RAB33B: variants seen among roughly 807,000 people sequenced by gnomAD.
The protein encoded by RAB33B is RAB33B, member RAS oncogene family.
A neutral mutation model predicts 15.0 loss-of-function variants in RAB33B; 6 were observed. The observed-to-expected ratio is 0.40, with a 90% confidence interval of 0.22 to 0.79. RAB33B has a LOEUF of 0.79. Among genes scored for constraint, RAB33B ranks in the 30% least tolerant of loss-of-function variants. The probability of loss-of-function intolerance (pLI) is 0.37; values close to 1 mark genes in which losing one functional copy is unlikely to be tolerated. For synonymous variants in RAB33B, 117 were observed against 108.3 expected (o/e 1.08, Z -0.50); for missense variants, 257 against 296.4 (o/e 0.87, Z 0.98).
At chr4:139,467,308 C>CTTTTTTTTTTTTTT (rs70943422) in intron 1 of RAB33B, among the ~76,000 whole-genome samples, 1 of 17,606 alleles carries the variant, frequency 5.7e-5, no homozygotes, top group African/African-American at 1.1e-4. Context: ...CCCCCCGCCG[C>CTTTTTTTTTTTTTT]TTTTTTTTTT....
chr4:139,460,306 C>T (rs62323108), intron 1 of RAB33B, among the ~76,000 whole-genome samples: 1 of 152,136 alleles, frequency 6.6e-6, no homozygotes, highest in Non-Finnish European at 1.5e-5. Flanking sequence ...ACCGGATTGG[C>T]ACACAGGAGA....
intron 1 of RAB33B, among the ~76,000 whole-genome samples, chr4:139,463,364 G>C (rs1400949723): frequency 6.6e-6 from 1 of 152,090 alleles, no homozygotes; most frequent in Non-Finnish European, 1.5e-5. Flanking sequence ...TTGAACTCCT[G>C]ACCTCAAGTG....
At chr4:139,454,676 C>G (rs781018270) in intron 1 of RAB33B, among the ~76,000 whole-genome samples, 1 of 152,150 alleles carries the variant, frequency 6.6e-6, no homozygotes, top group African/African-American at 2.4e-5. Context: ...AAAATGCAGG[C>G]TATGATTTAA....
At position 139,472,997 on chromosome 4, in the gene RAB33B, T is replaced by A. The variant is rs769605100; in HGVS notation, c.561T>A (p.His187Gln). 3.1e-6 allele frequency: 5 copies of A among 1,614,024 alleles called. No individual in the cohort carries two copies. The highest frequency in any genetic ancestry group is 4.2e-6 in the Non-Finnish European group (5 of 1,180,032). The change falls in exon 2 of 2, where the codon CAT (histidine) becomes CAA (glutamine). Residue 187 changes from histidine to glutamine, a missense_variant. Physicochemically the swap from His to Gln is conservative, Grantham distance 24. Coordinates refer to ENST00000305626, the MANE Select transcript of RAB33B (RefSeq NM_031296.3). ...TSAKNPNDNDHVEAIFMTLAH... is the reference protein window; with the variant it reads ...TSAKNPNDNDQVEAIFMTLAH... ...CTAAAAACCCCAATGATAATGACCA[T>A]GTGGAAGCTATATTTATGACCTTGG...
chr4:139,443,880 C>T, the RAB33B span, among the ~76,000 whole-genome samples: 1 of 152,278 alleles, frequency 6.6e-6, no homozygotes, highest in South Asian at 2.1e-4. Context: ...GTGATGGCCT[C>T]CCCTGAGGCA....
At chr4:139,467,278 G>A (rs1379740261) in intron 1 of RAB33B, among the ~76,000 whole-genome samples, 1 of 123,680 alleles carries the variant, frequency 8.1e-6, no homozygotes, top group Non-Finnish European at 1.6e-5. Flanking sequence ...CTTCCGCCGC[G>A]CACCTCTTTC....
intron 1 of RAB33B, among the ~76,000 whole-genome samples, chr4:139,462,923 C>G (rs1014106852): frequency 6.6e-6 from 1 of 152,146 alleles, no homozygotes; most frequent in Non-Finnish European, 1.5e-5. Context: ...TGCATGTAAT[C>G]TCAGCACTTT....
At chr4:139,454,482 C>T in intron 1 of RAB33B, 38 bp downstream of exon 1, 11 of 1,591,202 alleles carry the variant, frequency 6.9e-6, no homozygotes, top group Non-Finnish European at 9.4e-6. Context: ...GACAGGGTGA[C>T]AGGTGTCCCA....
At position 139,472,705 on chromosome 4, in the gene RAB33B, C is replaced by T; in HGVS notation, c.269C>T (p.Ala90Val). The T allele has an allele frequency of 6.2e-7, 1 of 1,603,090 alleles. No individual in the cohort carries two copies. Among genetic ancestry groups the T allele is most frequent in the Non-Finnish European group, 8.5e-7 (1 of 1,171,120 alleles). Residue 90 changes from alanine (A) to valine (V), a missense_variant, in exon 2 of 2, where the codon GCA (alanine) becomes GTA (valine). By Grantham distance (64) the Ala-to-Val change is moderately conservative. Coordinates refer to ENST00000305626, the MANE Select transcript of RAB33B (RefSeq NM_031296.3). ...ERIKIQLWDT[A>V]GQERFRKSMV... ...TTTTAGATCCAGCTATGGGACACAG[C>T]AGGACAAGAACGATTCAGAAAGAGC... is the stretch of plus-strand genomic sequence containing the variant.
At chr4:139,455,643 G>C (rs1750055369) in intron 1 of RAB33B, among the ~76,000 whole-genome samples, 2 of 152,110 alleles carry the variant, frequency 1.3e-5, no homozygotes, top group Non-Finnish European at 2.9e-5. Context: ...GGTGGTTTTG[G>C]AGTTGCTTTG....
At chr4:139,461,701 T>C (rs111945301) in intron 1 of RAB33B, among the ~76,000 whole-genome samples, 2 of 152,280 alleles carry the variant, frequency 1.3e-5, no homozygotes, top group African/African-American at 4.8e-5. Context: ...TCCTCTAAGG[T>C]GATAACTAAT....
intron 1 of RAB33B, among the ~76,000 whole-genome samples, chr4:139,466,973 T>C (rs1459817126): frequency 7.0e-6 from 1 of 141,980 alleles, no homozygotes; most frequent in African/African-American, 2.6e-5. Context: ...TTTTTTTTTT[T>C]TTTTTTTTTT....
rs749986787 is a variant in RAB33B, at chr4:139,454,201, T to G, written c.6T>G (p.Ala2=). 1.9e-6 allele frequency: 3 copies of G among 1,611,460 alleles called. No individual in the cohort carries two copies. The highest frequency in any genetic ancestry group is 2.5e-6 in the Non-Finnish European group (3 of 1,178,444). The change falls in exon 1 of 2, where the codon GCT becomes GCG. Residue 2 remains alanine (A), a synonymous_variant. Transcript: ENST00000305626. Reference sequence around the variant, plus strand: ...GTTTGGGGCGGGTCGGGGGAATGGCTGAGGAGATGGAGTCGTCGCTCGAGG... The same window carrying G: ...GTTTGGGGCGGGTCGGGGGAATGGCGGAGGAGATGGAGTCGTCGCTCGAGG... The part of the protein sequence containing the change: M[A]EEMESSLEAS...
chr4:139,464,663 T>A (rs1192669217), intron 1 of RAB33B, among the ~76,000 whole-genome samples: 1 of 152,136 alleles, frequency 6.6e-6, no homozygotes, highest in Non-Finnish European at 1.5e-5. Context: ...CTTGTGATAG[T>A]TTGCTGAGAA....
At chr4:139,466,230 C>CT (rs1385945040) in intron 1 of RAB33B, among the ~76,000 whole-genome samples, 1 of 152,106 alleles carries the variant, frequency 6.6e-6, no homozygotes, top group Non-Finnish European at 1.5e-5. Flanking sequence ...GCGTAATCAT[C>CT]TTTTTTTAAT....
At chr4:139,454,499 C>T in intron 1 of RAB33B, 55 bp downstream of exon 1, 1 of 1,569,448 alleles carries the variant, frequency 6.4e-7, no homozygotes, top group Non-Finnish European at 8.6e-7. Context: ...CCCAACCCCA[C>T]CGTGGGCTGG....
At chr4:139,443,971 A>C in the RAB33B span, among the ~76,000 whole-genome samples, 2 of 152,178 alleles carry the variant, frequency 1.3e-5, no homozygotes, top group South Asian at 4.1e-4. Context: ...TAACAAGACT[A>C]AAGTCCCGGC....
Position 139,473,683 on chromosome 4 carries a change from T to G in RAB33B, c.*557T>G, listed in dbSNP as rs1750441532. 6.6e-6 allele frequency: 1 copy of G among 152,306 alleles called. No homozygotes were observed. Among genetic ancestry groups the G allele is most frequent in the African/African-American group, 2.4e-5 (1 of 41,408 alleles). The allele number at this position is 152,306 out of a possible 1,614,324, so 9.4% of individuals were successfully genotyped here. A position where few individuals can be genotyped will look rare whatever the true frequency, so the allele number is the denominator to read the frequency against. On this transcript the variant is annotated 3_prime_UTR_variant, in exon 2 of 2. Transcript: ENST00000305626. ...GGTACTCACCACTGCATCTGGCCTT[T>G]CTTTGTTTTATTAACATATTTAGTT...
intron 1 of RAB33B, 56 bp downstream of exon 1, chr4:139,454,500 C>T: frequency 6.4e-7 from 1 of 1,568,028 alleles, no homozygotes; most frequent in Non-Finnish European, 8.6e-7. Flanking sequence ...CCAACCCCAC[C>T]GTGGGCTGGT....
Sources: allele counts gnomAD v4.1 joint callset (sites outside exome capture counted in the v4.1 genomes callset), GRCh38; gene constraint gnomAD v4.1.1; transcripts MANE v1.5; gene names NCBI Gene and HGNC (gene_info 2026-07-23, HGNC 2026-07-21).